Variants in CHTF8 observed in about 807,000 individuals in gnomAD.
CHTF8 encodes the protein chromosome transmission fidelity protein 8 homolog.
CHTF8 carries 6 observed loss-of-function variants against 11.0 expected under a neutral mutation model. The ratio of observed to expected loss-of-function variants is 0.55; its 90% CI spans 0.30 to 1.08. CHTF8 has a LOEUF of 1.08. CHTF8 is among the 50% of genes least tolerant of loss of function. The pLI, the probability that CHTF8 is intolerant of heterozygous loss-of-function variation, is 0.07. For missense variants in CHTF8, 140 were observed against 153.1 expected, an observed-to-expected ratio of 0.91 and a Z score of 0.45; for synonymous variants, 53 against 60.5, an observed-to-expected ratio of 0.88 and a Z score of 0.57.
At position 69,119,346 on chromosome 16, in the gene CHTF8, G is replaced by T; in HGVS notation, c.*1079C>A. 1 of 703,078 alleles carries T rather than the reference G, an allele frequency of 1.4e-6. No individual in the cohort carries two copies. Among genetic ancestry groups the T allele is most frequent in the South Asian group, 1.5e-5 (1 of 67,596 alleles). 43.6% of individuals were successfully genotyped at this position (703,078 alleles called of 1,614,324 possible). ...CAGATGAACCTGCTCCCCTGGGAAAGGGATTGGCATTTACCCCCATGGGGC... is the reference window on the plus strand; with the variant it reads ...CAGATGAACCTGCTCCCCTGGGAAATGGATTGGCATTTACCCCCATGGGGC... On this transcript the variant is annotated 3_prime_UTR_variant, in exon 4 of 4. Coordinates refer to ENST00000448552, the MANE Select transcript of CHTF8 (RefSeq NM_001039690.5).
chr16:69,132,546 C>T lies in CHTF8; in HGVS notation c.-98G>A, dbSNP rs1286868732. On this transcript the variant is annotated 5_prime_UTR_variant, in exon 1 of 4. Coordinates refer to ENST00000448552, the MANE Select transcript of CHTF8 (RefSeq NM_001039690.5). ...AACGGGCGACAACCGAACCTCCCGCCGCCGTCGCCGCCGCCGCGAGCACTG... is the reference window on the plus strand; with the variant it reads ...AACGGGCGACAACCGAACCTCCCGCTGCCGTCGCCGCCGCCGCGAGCACTG... The T allele has an allele frequency of 2.8e-6, 1 of 360,936 alleles. No homozygotes were observed. The highest frequency in any genetic ancestry group is 1.9e-5 in the South Asian group (1 of 53,386). 22.4% of individuals were successfully genotyped at this position (360,936 alleles called of 1,614,324 possible). A position where few individuals can be genotyped will look rare whatever the true frequency, so the allele number is the denominator to read the frequency against.
intron 1 of CHTF8, among the ~76,000 whole-genome samples, chr16:69,124,559 GA>G (rs1961922872): frequency 6.6e-6 from 1 of 151,962 alleles, no homozygotes; most frequent in Admixed American, 6.6e-5. Flanking sequence ...GAGTAGCTGG[GA>G]TTACAGGCGC....
At position 69,118,105 on chromosome 16, in the gene CHTF8, T is replaced by A; in HGVS notation, c.*2320A>T. ...GCACACCAGGCCGAACAAAGCACAGTGATTTCTTCCCTTCATCCCCCACCC... is the reference window on the plus strand; with the variant it reads ...GCACACCAGGCCGAACAAAGCACAGAGATTTCTTCCCTTCATCCCCCACCC... On this transcript the variant is annotated 3_prime_UTR_variant, in exon 4 of 4. Transcript: ENST00000448552. The A allele has an allele frequency of 1.9e-6, 1 of 527,834 alleles. No homozygotes were observed. Among genetic ancestry groups the A allele is most frequent in the Non-Finnish European group, 3.4e-6 (1 of 292,980 alleles). 32.7% of individuals were successfully genotyped at this position (527,834 alleles called of 1,614,324 possible). A position where few individuals can be genotyped will look rare whatever the true frequency, so the allele number is the denominator to read the frequency against.
At chr16:69,130,139 C>A (rs1962390246) in intron 1 of CHTF8, among the ~76,000 whole-genome samples, 1 of 152,142 alleles carries the variant, frequency 6.6e-6, no homozygotes, top group African/African-American at 2.4e-5. Context: ...ACAGAACAGC[C>A]TGAGCAATGA....
chr16:69,130,236 G>A lies in CHTF8; in HGVS notation c.-36+2248C>T, dbSNP rs550282087. 3.9e-5 allele frequency among the ~76,000 whole-genome samples: 6 copies of A among 152,276 alleles called. No homozygotes were observed. In the South Asian group the frequency reaches 1.2e-3, roughly 32 times the overall value. On this transcript the variant is annotated intron_variant, in intron 1 of 3. Transcript: ENST00000448552. Reference sequence around the variant, plus strand: ...CGAACATATGGCTTATAGCAAAAAAGAGGCTTTGACTCAACGGTTTAACCT... The same window carrying A: ...CGAACATATGGCTTATAGCAAAAAAAAGGCTTTGACTCAACGGTTTAACCT...
intron 1 of CHTF8, among the ~76,000 whole-genome samples, chr16:69,128,006 C>T (rs1962206007): frequency 6.6e-6 from 1 of 151,952 alleles, no homozygotes; most frequent in South Asian, 2.1e-4. Context: ...CCTCCGCTGC[C>T]CAGGATCAGG....
chr16:69,121,084 T>C lies in CHTF8; in HGVS notation c.110A>G (p.Asn37Ser), dbSNP rs752302059. Reference protein sequence around the residue: ...EARYSTGLAGNLLGDLHYTTE... With the variant: ...EARYSTGLAGSLLGDLHYTTE... ...GGTGTAATGTAGGTCTCCCAGGAGG[T>C]TTCCAGCTAATCCAGTGCTGTAGCG... Residue 37 changes from asparagine to serine, a missense_variant, in exon 3 of 4, where the codon AAC becomes AGC. Transcript: ENST00000448552. 6.2e-7 allele frequency: 1 copy of C among 1,613,490 alleles called. No individual in the cohort carries two copies.
At chr16:69,130,195 A>G (rs1962395521) in intron 1 of CHTF8, among the ~76,000 whole-genome samples, 1 of 152,260 alleles carries the variant, frequency 6.6e-6, no homozygotes, top group Non-Finnish European at 1.5e-5. Context: ...AAAGTGTGAT[A>G]TGTATCCAAT....
At chr16:69,130,632 G>A (rs1049066050) in intron 1 of CHTF8, among the ~76,000 whole-genome samples, 5 of 152,192 alleles carry the variant, frequency 3.3e-5, no homozygotes, top group Admixed American at 6.6e-5. Flanking sequence ...ATTTTGAAAG[G>A]CTGTTGCAAG....
Position 69,119,754 on chromosome 16 carries a change from C to T in CHTF8, c.*671G>A. 2.9e-6 allele frequency: 2 copies of T among 695,860 alleles called. No homozygotes were observed. Among genetic ancestry groups the T allele is most frequent in the East Asian group, 5.4e-5 (2 of 37,006 alleles). 43.1% of individuals were successfully genotyped at this position (695,860 alleles called of 1,614,324 possible). On this transcript the variant is annotated 3_prime_UTR_variant, in exon 4 of 4. Transcript: ENST00000448552. ...GGCCTGGGCCTGGAAACACACCTGA[C>T]CTGGGGGCAGGGTTTGTCCCTAAAA...
At chr16:69,131,067 T>A (rs1207749737) in intron 1 of CHTF8, among the ~76,000 whole-genome samples, 2 of 152,248 alleles carry the variant, frequency 1.3e-5, no homozygotes, top group East Asian at 3.8e-4. Flanking sequence ...GGTCTATACT[T>A]TTGAAGGGGA....
Position 69,119,625 on chromosome 16 carries a change from A to G in CHTF8, c.*800T>C. ...GGGCAAGATCGAGGCCTTGAGGTCC[A>G]GCCATTCTTAAGTTAAGACCAGATC... On this transcript the variant is annotated 3_prime_UTR_variant, in exon 4 of 4. Transcript: ENST00000448552. 1.4e-6 allele frequency: 1 copy of G among 691,320 alleles called. No homozygotes were observed. Among genetic ancestry groups the G allele is most frequent in the Non-Finnish European group, 2.6e-6 (1 of 378,552 alleles). The allele number at this position is 691,320 out of a possible 1,614,324, so 42.8% of individuals were successfully genotyped here. A position where few individuals can be genotyped will look rare whatever the true frequency, so the allele number is the denominator to read the frequency against.
In CHTF8 at chr16:69,120,773, T is replaced by C; in HGVS notation, c.142-124A>G. 1.2e-6 allele frequency: 1 copy of C among 869,260 alleles called. No homozygotes were observed. Among genetic ancestry groups the C allele is most frequent in the Non-Finnish European group, 1.8e-6 (1 of 548,110 alleles). 53.8% of individuals were successfully genotyped at this position (869,260 alleles called of 1,614,324 possible). A position where few individuals can be genotyped will look rare whatever the true frequency, so the allele number is the denominator to read the frequency against. On this transcript the variant is annotated intron_variant, in intron 3 of 3. Coordinates refer to ENST00000448552, the MANE Select transcript of CHTF8 (RefSeq NM_001039690.5). This position sits in a 1 kb window ranked among gnomAD's most constrained non-coding sequence, Gnocchi z 4.0. ...CCAATCCCTGGTCTGGCTCTGCCATTGTTGAGCAGCCACACTGGACCACCC... is the reference window on the plus strand; with the variant it reads ...CCAATCCCTGGTCTGGCTCTGCCATCGTTGAGCAGCCACACTGGACCACCC...
chr16:69,118,764 T>C lies in CHTF8; in HGVS notation c.*1661A>G, dbSNP rs2152264141. 1 of 639,630 alleles carries C rather than the reference T, an allele frequency of 1.6e-6. No individual in the cohort carries two copies. The highest frequency in any genetic ancestry group is 2.7e-5 in the East Asian group (1 of 36,874). 39.6% of individuals were successfully genotyped at this position (639,630 alleles called of 1,614,324 possible). ...AGCCCAAGCTATGTTCTTCAGACTG[T>C]AGCTCCACAACTACCCTTTTACCTA... is the stretch of plus-strand genomic sequence containing the variant. On this transcript the variant is annotated 3_prime_UTR_variant, in exon 4 of 4. Transcript: ENST00000448552.
At chr16:69,123,859 G>C (rs760593382) in intron 1 of CHTF8, among the ~76,000 whole-genome samples, 1 of 151,462 alleles carries the variant, frequency 6.6e-6, no homozygotes, top group Non-Finnish European at 1.5e-5. Context: ...AGACCAAAGT[G>C]GGTGGATCAC....
At chr16:69,127,601 C>CTTTTTT (rs71383961) in intron 1 of CHTF8, among the ~76,000 whole-genome samples, 18 of 104,388 alleles carry the variant, frequency 1.7e-4, no homozygotes, top group African/African-American at 3.1e-4. Context: ...CTCCCGGCAA[C>CTTTTTT]TTTTTTTTTT....
In CHTF8 at chr16:69,120,325, C is replaced by T; in HGVS notation, c.*100G>A. ...TGGGTGGCCTGTGTTCAGAACAGGA[C>T]CCCCCTGTGGTCCCAGGGAACCGTC... is the stretch of plus-strand genomic sequence containing the variant. On this transcript the variant is annotated 3_prime_UTR_variant, in exon 4 of 4. Coordinates refer to ENST00000448552, the MANE Select transcript of CHTF8 (RefSeq NM_001039690.5). The surrounding 1 kb of genome is among the most constrained non-coding windows in gnomAD (Gnocchi z 4.0). 8.7e-7 allele frequency: 1 copy of T among 1,153,586 alleles called. No homozygotes were observed. The highest frequency in any genetic ancestry group is 1.3e-6 in the Non-Finnish European group (1 of 770,410). 71.5% of individuals were successfully genotyped at this position (1,153,586 alleles called of 1,614,324 possible). A position where few individuals can be genotyped will look rare whatever the true frequency, so the allele number is the denominator to read the frequency against.
chr16:69,127,601 C>CCTTT (rs1170530279), intron 1 of CHTF8, among the ~76,000 whole-genome samples: 22 of 104,394 alleles, frequency 2.1e-4, no homozygotes, highest in African/African-American at 8.1e-4. Context: ...CTCCCGGCAA[C>CCTTT]TTTTTTTTTT....
chr16:69,127,145 G>A (rs961682098), intron 1 of CHTF8, among the ~76,000 whole-genome samples: 1 of 151,906 alleles, frequency 6.6e-6, no homozygotes, highest in African/African-American at 2.4e-5. Flanking sequence ...GGCTGAGACA[G>A]GAGAATTGCT....
Sources: gnomAD v4.1 joint callset for allele counts (sites outside exome capture counted in the v4.1 genomes callset) on GRCh38, gnomAD v4.1.1 for gene constraint, Gnocchi (gnomAD v3.1) non-coding constraint, MANE v1.5 for transcripts, NCBI Gene and HGNC (gene_info 2026-07-23, HGNC 2026-07-21) for gene names.